The following FARS2 variants were observed in gnomAD, a reference collection of about 807,000 sequenced individuals.
FARS2 encodes phenylalanyl-tRNA synthetase 2, mitochondrial, also known as phenylalanine--tRNA ligase, mitochondrial.
Under a neutral mutation model 46.4 loss-of-function variants are expected in FARS2, and 40 were observed. That is an observed-to-expected ratio of 0.86 (90% confidence interval 0.67 to 1.12). The LOEUF (loss-of-function observed/expected upper bound fraction) is 1.12, where lower values mean the gene tolerates loss of function less well. FARS2 is among the 50% of genes most tolerant of loss of function. The pLI is 0.00. For synonymous variants in FARS2, 234 were observed against 214.9 expected (o/e 1.09, Z -0.78); for missense variants, 513 against 567.9 (o/e 0.90, Z 0.98).
chr6:5,268,921 C>T (rs994130178), intron 1 of FARS2, among the ~76,000 whole-genome samples: 15 of 152,072 alleles, frequency 9.9e-5, no homozygotes, highest in African/African-American at 3.6e-4. Context: ...TCCTTCACAT[C>T]CCTTGTAGGT....
intron 6 of FARS2, among the ~76,000 whole-genome samples, chr6:5,621,530 TG>T (rs1281835546): frequency 6.6e-6 from 1 of 152,212 alleles, no homozygotes; most frequent in Non-Finnish European, 1.5e-5. Context: ...AAACTTTGAT[TG>T]ACTTGAAATG....
intron 5 of FARS2, among the ~76,000 whole-genome samples, chr6:5,556,493 G>A (rs1771669767): frequency 6.6e-6 from 1 of 151,800 alleles, no homozygotes; most frequent in East Asian, 1.9e-4. Flanking sequence ...GCCTTATGAT[G>A]TTAGGACATT....
intron 6 of FARS2, among the ~76,000 whole-genome samples, chr6:5,651,612 G>A (rs1777367621): frequency 1.3e-5 from 2 of 152,212 alleles, no homozygotes; most frequent in African/African-American, 4.8e-5. Flanking sequence ...GAGCAGAGCT[G>A]AAGGCTTCAG....
intron 4 of FARS2, among the ~76,000 whole-genome samples, chr6:5,488,852 C>T (rs1766932799): frequency 6.6e-6 from 1 of 152,124 alleles, no homozygotes; most frequent in Admixed American, 6.5e-5. Flanking sequence ...ATGTACATGC[C>T]TGTTTCTTTT....
At chr6:5,371,662 T>C (rs1165188702) in intron 2 of FARS2, among the ~76,000 whole-genome samples, 1 of 152,128 alleles carries the variant, frequency 6.6e-6, no homozygotes, top group Non-Finnish European at 1.5e-5. Context: ...TAGGATAAAA[T>C]TACTGAGTAA....
chr6:5,505,540 A>C (rs933198803), intron 4 of FARS2, among the ~76,000 whole-genome samples: 3 of 152,240 alleles, frequency 2.0e-5, no homozygotes, highest in African/African-American at 4.8e-5. Context: ...CAGGCATAGG[A>C]AATTATAAAA....
At chr6:5,345,210 A>AC (rs1324444487) in intron 1 of FARS2, among the ~76,000 whole-genome samples, 1 of 151,648 alleles carries the variant, frequency 6.6e-6, no homozygotes, top group Non-Finnish European at 1.5e-5. Context: ...TAAAAAAAAA[A>AC]CGCCATTATA....
chr6:5,675,324 C>T (rs537475442), intron 6 of FARS2, among the ~76,000 whole-genome samples: 3 of 152,104 alleles, frequency 2.0e-5, no homozygotes, highest in Non-Finnish European at 2.9e-5. Context: ...CTTTGTGGCT[C>T]TGTTCAAAGG....
intron 3 of FARS2, among the ~76,000 whole-genome samples, chr6:5,407,587 A>G (rs1409500901): frequency 2.0e-5 from 3 of 152,068 alleles, no homozygotes; most frequent in African/African-American, 7.2e-5. Flanking sequence ...ACCATGTTTC[A>G]AATGGATTTA....
chr6:5,329,179 A>G (rs77399042), intron 1 of FARS2, among the ~76,000 whole-genome samples: 1 of 152,204 alleles, frequency 6.6e-6, no homozygotes, highest in East Asian at 1.9e-4. Flanking sequence ...AAACAAGTTG[A>G]TTGGAGGCAA....
chr6:5,566,722 G>C (rs746931786), intron 5 of FARS2, among the ~76,000 whole-genome samples: 1 of 152,182 alleles, frequency 6.6e-6, no homozygotes, highest in Non-Finnish European at 1.5e-5. Context: ...TCTACTTTTA[G>C]TTAAGCTGGG....
intron 6 of FARS2, among the ~76,000 whole-genome samples, chr6:5,737,024 T>A (rs1488794280): frequency 1.3e-5 from 2 of 152,210 alleles, no homozygotes; most frequent in African/African-American, 4.8e-5. Context: ...TACTCTACTT[T>A]CCCTTCACCC....
intron 2 of FARS2, among the ~76,000 whole-genome samples, chr6:5,378,933 G>A (rs747257996): frequency 9.9e-5 from 15 of 152,200 alleles, no homozygotes; most frequent in Admixed American, 2.6e-4. Context: ...TTGGAGGACC[G>A]TTTGGAGAGA....
chr6:5,502,250 G>A (rs1448749534), intron 4 of FARS2, among the ~76,000 whole-genome samples: 4 of 152,206 alleles, frequency 2.6e-5, no homozygotes, highest in African/African-American at 7.2e-5. Context: ...CAATTTATTC[G>A]TTAAAATATG....
intron 6 of FARS2, among the ~76,000 whole-genome samples, chr6:5,706,056 A>G (rs1388895368): frequency 6.6e-6 from 1 of 152,044 alleles, no homozygotes; most frequent in Non-Finnish European, 1.5e-5. Flanking sequence ...TTTTCCATGG[A>G]TGGGGTGGGT....
rs1170604835 is a variant in FARS2 at position 5,341,223 on chromosome 6, ATATATATATATATTTTTTTTT to A, written c.-21-27325_-21-27305del. Among the ~76,000 whole-genome samples the A allele has an allele frequency of 4.5e-3, 24 of 5,294 alleles. 2 individuals are homozygous for A. The highest frequency in any genetic ancestry group is 0.016 in the African/African-American group (24 of 1,466). The allele number at this position is 5,294 out of a possible 152,430, so 3.5% of individuals were successfully genotyped here. On this transcript the variant is annotated intron_variant, in intron 1 of 6. Transcript: ENST00000274680. ...TATATATATATATATATATATATAT[ATATATATATATATTTTTTTTT>A]TTTTTTTTTTTTTCCCTGTGAGAGC...
chr6:5,657,529 C>A (rs904819216), intron 6 of FARS2, among the ~76,000 whole-genome samples: 4 of 152,130 alleles, frequency 2.6e-5, no homozygotes, highest in African/African-American at 9.7e-5. Flanking sequence ...TCTGAAGATG[C>A]GGGAAGGCAG....
intron 6 of FARS2, among the ~76,000 whole-genome samples, chr6:5,616,307 T>C (rs1320829896): frequency 6.6e-6 from 1 of 152,208 alleles, no homozygotes; most frequent in Non-Finnish European, 1.5e-5. Context: ...TCCAGGAGTT[T>C]CCATGTTGAT....
intron 6 of FARS2, among the ~76,000 whole-genome samples, chr6:5,762,945 C>A (rs1405643778): frequency 6.6e-6 from 1 of 152,144 alleles, no homozygotes; most frequent in Non-Finnish European, 1.5e-5. Context: ...CAGGACAGAC[C>A]GTTGTGAGAA....
Sources: gnomAD v4.1 joint callset for allele counts (sites outside exome capture counted in the v4.1 genomes callset) on GRCh38, gnomAD v4.1.1 for gene constraint, MANE v1.5 for transcripts, NCBI Gene and HGNC (gene_info 2026-07-23, HGNC 2026-07-21) for gene names.